L3MBTL4: variants seen among roughly 807,000 people sequenced by gnomAD.
The protein encoded by L3MBTL4 is L3MBTL histone methyl-lysine binding protein 4, also known as lethal(3)malignant brain tumor-like protein 4.
L3MBTL4 carries 70 observed loss-of-function variants against 84.5 expected under a neutral mutation model. That is an observed-to-expected ratio of 0.83 (90% CI 0.68 to 1.01). The LOEUF (loss-of-function observed/expected upper bound fraction) is 1.01. Ranked by LOEUF, L3MBTL4 falls within the 50% of genes least tolerant of loss-of-function variation. L3MBTL4 has a pLI of 0.00. For missense variants in L3MBTL4, 715 were observed against 754.8 expected, an observed-to-expected ratio of 0.95 and a Z score of 0.62; for synonymous variants, 274 against 259.8, an observed-to-expected ratio of 1.05 and a Z score of -0.52.
At chr18:6,145,889 A>G (rs2042629311) in intron 13 of L3MBTL4, among the ~76,000 whole-genome samples, 1 of 152,190 alleles carries the variant, frequency 6.6e-6, no homozygotes, top group Non-Finnish European at 1.5e-5. Flanking sequence ...ATAAGCCATC[A>G]GGTAAGAAGC....
intron 12 of L3MBTL4, among the ~76,000 whole-genome samples, chr18:6,204,761 AG>A (rs2045800471): frequency 6.6e-6 from 1 of 152,108 alleles, no homozygotes; most frequent in Non-Finnish European, 1.5e-5. Flanking sequence ...ACAGTACTTG[AG>A]GGTTTGTGCC....
intron 4 of L3MBTL4, among the ~76,000 whole-genome samples, chr18:6,295,342 CTCTCTATATA>C (rs1331631651): frequency 0.011 from 1,298 of 116,956 alleles, 23 homozygotes; most frequent in African/African-American, 0.05. Context: ...CTCTCTCTCT[CTCTCTATATA>C]TATATATATA....
At chr18:6,096,552 G>C (rs1034160103) in intron 14 of L3MBTL4, among the ~76,000 whole-genome samples, 3 of 152,178 alleles carry the variant, frequency 2.0e-5, no homozygotes, top group African/African-American at 7.2e-5. Context: ...CCCAACTTTT[G>C]CCTGCCTTCT....
intron 1 of L3MBTL4, among the ~76,000 whole-genome samples, chr18:6,335,842 C>T (rs528386045): frequency 2.0e-5 from 3 of 152,336 alleles, no homozygotes; most frequent in African/African-American, 7.2e-5. Flanking sequence ...TCTCCTGAGG[C>T]CTCCCCAGCC....
intron 16 of L3MBTL4, among the ~76,000 whole-genome samples, chr18:5,990,770 G>GGTGT (rs34551806): frequency 0.033 from 4,648 of 142,336 alleles, 100 homozygotes; most frequent in African/African-American, 0.04. Flanking sequence ...GGTTCATGTG[G>GGTGT]GTGTGTGTGT....
At chr18:6,196,694 G>A (rs1158732463) in intron 12 of L3MBTL4, among the ~76,000 whole-genome samples, 1 of 152,156 alleles carries the variant, frequency 6.6e-6, no homozygotes, top group Admixed American at 6.5e-5. Context: ...TCAAAGAGGG[G>A]CTGAGAGACC....
intron 16 of L3MBTL4, among the ~76,000 whole-genome samples, chr18:5,994,923 A>G (rs533040119): frequency 6.6e-6 from 1 of 152,356 alleles, no homozygotes; most frequent in Admixed American, 6.5e-5. Flanking sequence ...ATGTTCTACA[A>G]TTATTCAGGG....
chr18:6,237,220 G>A (rs2047250158), intron 10 of L3MBTL4, among the ~76,000 whole-genome samples: 1 of 151,982 alleles, frequency 6.6e-6, no homozygotes, highest in African/African-American at 2.4e-5. Flanking sequence ...TGGCAAGTTT[G>A]GAGACCCATT....
chr18:6,133,391 GATGA>G (rs1361985342), intron 14 of L3MBTL4, among the ~76,000 whole-genome samples: 1 of 151,536 alleles, frequency 6.6e-6, no homozygotes, highest in Non-Finnish European at 1.5e-5. Flanking sequence ...GCCTGAGGAA[GATGA>G]TCTCCATGGC....
chr18:6,190,936 A>T (rs1171257734), intron 12 of L3MBTL4, among the ~76,000 whole-genome samples: 1 of 152,210 alleles, frequency 6.6e-6, no homozygotes. Context: ...GTGTAGGAAA[A>T]GCAAGAAGTC....
chr18:6,348,663 T>C (rs2053036910), intron 1 of L3MBTL4, among the ~76,000 whole-genome samples: 1 of 152,002 alleles, frequency 6.6e-6, no homozygotes, highest in Non-Finnish European at 1.5e-5. Context: ...ACTTGAATAA[T>C]ATACAAAAAG....
chr18:6,338,099 T>C (rs894702762), intron 1 of L3MBTL4, among the ~76,000 whole-genome samples: 8 of 151,906 alleles, frequency 5.3e-5, no homozygotes, highest in Admixed American at 1.3e-4. Flanking sequence ...GAAATGAAGA[T>C]GTTTTTGAAC....
chr18:6,247,905 C>T (rs573891795), intron 5 of L3MBTL4, among the ~76,000 whole-genome samples: 9 of 151,868 alleles, frequency 5.9e-5, no homozygotes, highest in African/African-American at 1.5e-4. Context: ...CTCAGGGTAT[C>T]GCATTCAGAG....
At chr18:6,358,208 C>T (rs1336864829) in intron 1 of L3MBTL4, among the ~76,000 whole-genome samples, 3 of 152,208 alleles carry the variant, frequency 2.0e-5, no homozygotes, top group Non-Finnish European at 4.4e-5. Flanking sequence ...CCGGGTCTAA[C>T]TTACACTTTA....
At chr18:6,400,566 T>C (rs1020382725) in intron 1 of L3MBTL4, among the ~76,000 whole-genome samples, 1 of 152,178 alleles carries the variant, frequency 6.6e-6, no homozygotes, top group East Asian at 1.9e-4. Context: ...CATGCCACCA[T>C]GCCTGGTTAA....
At chr18:5,984,826 T>C (rs1469192870) in intron 16 of L3MBTL4, among the ~76,000 whole-genome samples, 1 of 152,236 alleles carries the variant, frequency 6.6e-6, no homozygotes, top group African/African-American at 2.4e-5. Flanking sequence ...GATCTACGTG[T>C]CTTTAGGAGT....
At chr18:6,123,768 T>C (rs1260846468) in intron 14 of L3MBTL4, among the ~76,000 whole-genome samples, 6 of 152,252 alleles carry the variant, frequency 3.9e-5, no homozygotes, top group Non-Finnish European at 8.8e-5. Context: ...CTAGAGATTA[T>C]GTGAATTTGT....
intron 15 of L3MBTL4, among the ~76,000 whole-genome samples, chr18:6,091,439 T>C (rs1043021462): frequency 1.3e-5 from 2 of 152,214 alleles, no homozygotes; most frequent in South Asian, 4.1e-4. Flanking sequence ...TCATGATGTG[T>C]AACATACACC....
intron 8 of L3MBTL4, 65 bp downstream of exon 8, chr18:6,241,293 T>C (rs886666378): frequency 1.1e-5 from 10 of 890,646 alleles, no homozygotes; most frequent in African/African-American, 1.0e-4. Flanking sequence ...ACAGAATATA[T>C]AGTGAATTTT....
Sources: allele counts gnomAD v4.1 joint callset (sites outside exome capture counted in the v4.1 genomes callset), GRCh38; gene constraint gnomAD v4.1.1; transcripts MANE v1.5; gene names NCBI Gene and HGNC (gene_info 2026-07-23, HGNC 2026-07-21).